LRIG1: variants seen among roughly 807,000 people sequenced by gnomAD.
LRIG1 encodes leucine-rich repeats and immunoglobulin-like domains protein 1.
A neutral mutation model predicts 99.2 loss-of-function variants in LRIG1; 48 were observed. That is an observed-to-expected ratio of 0.48 (90% confidence interval 0.38 to 0.62). The LOEUF (loss-of-function observed/expected upper bound fraction) is 0.62. Among genes scored for constraint, LRIG1 ranks in the 20% least tolerant of loss-of-function variants. LRIG1 has a pLI of 0.00. For synonymous variants in LRIG1, 772 were observed against 596.1 expected, an observed-to-expected ratio of 1.29 and a Z score of -4.30; for missense variants, 1,646 against 1,434.4, an observed-to-expected ratio of 1.15 and a Z score of -2.38.
intron 3 of LRIG1, among the ~76,000 whole-genome samples, chr3:66,449,827 A>G (rs1231384608): frequency 6.6e-6 from 1 of 152,232 alleles, no homozygotes; most frequent in Non-Finnish European, 1.5e-5. Context: ...GAGGAACAAG[A>G]GCAGTTACAT....
intron 3 of LRIG1, among the ~76,000 whole-genome samples, chr3:66,422,471 A>T (rs1702850939): frequency 6.6e-6 from 1 of 152,200 alleles, no homozygotes; most frequent in South Asian, 2.1e-4. Flanking sequence ...AAATGCTGCC[A>T]GTCTCTTTGC....
chr3:66,449,569 G>A (rs1296220408), intron 3 of LRIG1, among the ~76,000 whole-genome samples: 1 of 152,214 alleles, frequency 6.6e-6, no homozygotes, highest in Non-Finnish European at 1.5e-5. Context: ...AGAGCAAGGT[G>A]CAATTCTAAG....
At chr3:66,463,880 T>A (rs906701536) in intron 1 of LRIG1, among the ~76,000 whole-genome samples, 4 of 152,222 alleles carry the variant, frequency 2.6e-5, no homozygotes, top group African/African-American at 9.7e-5. Flanking sequence ...AAAGTCAAAC[T>A]ACACTTGAAA....
At chr3:66,388,766 A>C (rs1211164581) in intron 12 of LRIG1, among the ~76,000 whole-genome samples, 1 of 152,192 alleles carries the variant, frequency 6.6e-6, no homozygotes, top group Non-Finnish European at 1.5e-5. Flanking sequence ...ATCCTTCAAA[A>C]ATGAAGGGGA....
chr3:66,496,786 C>G (rs11918454), intron 1 of LRIG1, among the ~76,000 whole-genome samples: 6,836 of 152,220 alleles, frequency 0.045, 531 homozygotes, highest in African/African-American at 0.15. Context: ...ATTTGGTGAT[C>G]TGCACTTTAA....
In LRIG1 at chr3:66,383,017, C is replaced by T. The variant is rs1268293966; in HGVS notation, c.2456G>A (p.Arg819Lys). The T allele has an allele frequency of 3.1e-6, 5 of 1,613,984 alleles. No individual in the cohort carries two copies. Among genetic ancestry groups the T allele is most frequent in the Non-Finnish European group, 4.2e-6 (5 of 1,179,908 alleles). ...GACACTGTACTCTTCACTCTTCTTC[C>T]TGGTCTGGTAGATGATGCACACCCA... The part of the protein sequence containing the change: ...LVWVCIIYQT[R>K]KKSEEYSVTN... Residue 819 changes from arginine (R) to lysine (K), a missense_variant, in exon 15 of 19, where the codon AGG (arginine) becomes AAG (lysine). By Grantham distance (26) the Arg-to-Lys change is conservative. Coordinates refer to ENST00000273261, the MANE Select transcript of LRIG1 (RefSeq NM_015541.3).
chr3:66,444,289 C>T (rs1703645359), intron 3 of LRIG1, among the ~76,000 whole-genome samples: 2 of 152,196 alleles, frequency 1.3e-5, no homozygotes, highest in Admixed American at 1.3e-4. Context: ...AAATTAAGCA[C>T]AAGCAAATAT....
At chr3:66,420,649 G>A (rs887195538) in intron 3 of LRIG1, among the ~76,000 whole-genome samples, 2 of 152,238 alleles carry the variant, frequency 1.3e-5, no homozygotes, top group African/African-American at 4.8e-5. Flanking sequence ...GAATGGATGA[G>A]CATTGCGGAC....
At chr3:66,439,632 A>G (rs1404547399) in intron 3 of LRIG1, among the ~76,000 whole-genome samples, 2 of 152,014 alleles carry the variant, frequency 1.3e-5, no homozygotes, top group African/African-American at 4.8e-5. Context: ...TAAGGAGCTT[A>G]GAATAAGTCA....
intron 3 of LRIG1, among the ~76,000 whole-genome samples, chr3:66,434,410 G>C (rs10049069): frequency 2.0e-5 from 3 of 152,122 alleles, no homozygotes; most frequent in African/African-American, 7.2e-5. Context: ...AAACCATAAT[G>C]AGCTATCACT....
chr3:66,468,329 T>G (rs1700521190), intron 1 of LRIG1, among the ~76,000 whole-genome samples: 1 of 152,126 alleles, frequency 6.6e-6, no homozygotes, highest in South Asian at 2.1e-4. Context: ...AGACAAAATC[T>G]CTCACTGTGA....
intron 5 of LRIG1, 102 bp from the exon 6 acceptor site, chr3:66,413,116 T>A: frequency 7.3e-7 from 1 of 1,372,570 alleles, no homozygotes; most frequent in Non-Finnish European, 1.0e-6. Flanking sequence ...AGAGGAGAAA[T>A]CCCAGTGCAG....
intron 3 of LRIG1, among the ~76,000 whole-genome samples, chr3:66,430,992 C>A (rs1162828121): frequency 1.3e-5 from 2 of 151,944 alleles, no homozygotes; most frequent in African/African-American, 4.8e-5. Flanking sequence ...GGTGTTCCCT[C>A]CACCACACCG....
chr3:66,385,934 G>A, intron 13 of LRIG1, 47 bp downstream of exon 13: 1 of 1,528,306 alleles, frequency 6.5e-7, no homozygotes, highest in Non-Finnish European at 9.0e-7. Context: ...AATCAGGAGT[G>A]TGCTTTGTAG....
Position 66,493,747 on chromosome 3 carries a change from G to C in LRIG1, c.218+6443C>G, listed in dbSNP as rs1701157188. Among the ~76,000 whole-genome samples, 3 of 151,896 alleles carry C rather than the reference G, an allele frequency of 2.0e-5. No individual in the cohort carries two copies. In the South Asian group the frequency reaches 6.2e-4, roughly 32 times the overall value. ...CGAGGCTGAGGCTGCAGTGAGTCTT[G>C]ATTGCACCACTGCACTCCAGCGTGG... On this transcript the variant is annotated intron_variant, in intron 1 of 18. Transcript: ENST00000273261.
chr3:66,482,942 AG>A (rs1700883727), intron 1 of LRIG1, among the ~76,000 whole-genome samples: 1 of 152,208 alleles, frequency 6.6e-6, no homozygotes. Context: ...CAATGAAATC[AG>A]TTGTTTTTTC....
Position 66,379,372 on chromosome 3 carries a change from T to C in LRIG1, c.*891A>G, listed in dbSNP as rs191253418. ...CAAGGCCAATGTAATACTCATTATATTGGCAAAACGAAAACATCAGTATAG... is the reference window on the plus strand; with the variant it reads ...CAAGGCCAATGTAATACTCATTATACTGGCAAAACGAAAACATCAGTATAG... On this transcript the variant is annotated 3_prime_UTR_variant, in exon 19 of 19. Coordinates refer to ENST00000273261, the MANE Select transcript of LRIG1 (RefSeq NM_015541.3). 1 of 152,414 alleles carries C rather than the reference T, an allele frequency of 6.6e-6. No individual in the cohort carries two copies. Among genetic ancestry groups the C allele is most frequent in the Admixed American group, 6.5e-5 (1 of 15,306 alleles). 9.4% of individuals were successfully genotyped at this position (152,414 alleles called of 1,614,324 possible).
In LRIG1 at chr3:66,465,445, C is replaced by T. The variant is rs1035434383; in HGVS notation, c.219-2936G>A. 2.7e-5 allele frequency among the ~76,000 whole-genome samples: 4 copies of T among 147,306 alleles called. 1 individual carries two copies. Among genetic ancestry groups the T allele is most frequent in the South Asian group, 4.2e-4 (2 of 4,718 alleles). ...GTGGCATGATCTTGGCCCACTGTGA[C>T]CTCCACCTCTTGTTTTCAAGCAATT... On this transcript the variant is annotated intron_variant, in intron 1 of 18. Coordinates refer to ENST00000273261, the MANE Select transcript of LRIG1 (RefSeq NM_015541.3).
At position 66,410,177 on chromosome 3, in the gene LRIG1, G is replaced by C. The variant is rs1702419798; in HGVS notation, c.887C>G (p.Ala296Gly). ...GCTCCAGCCCTTGCGGTGAATGCGA[G>C]CGATGGAATTGTTGCTGAGGTGGAG... ...HQLHLSNNSIARIHRKGWSFC... is the reference protein window; with the variant it reads ...HQLHLSNNSIGRIHRKGWSFC... Residue 296 changes from alanine to glycine, a missense_variant, in exon 7 of 19, where the codon GCT becomes GGT. Coordinates refer to ENST00000273261, the MANE Select transcript of LRIG1 (RefSeq NM_015541.3). The C allele has an allele frequency of 6.2e-7, 1 of 1,614,172 alleles. No individual in the cohort carries two copies. Among genetic ancestry groups the C allele is most frequent in the Non-Finnish European group, 8.5e-7 (1 of 1,179,962 alleles).
Sources: allele counts gnomAD v4.1 joint callset (sites outside exome capture counted in the v4.1 genomes callset), GRCh38; gene constraint gnomAD v4.1.1; transcripts MANE v1.5; gene names NCBI Gene and HGNC (gene_info 2026-07-23, HGNC 2026-07-21).